Variants in KCNIP1 observed in about 807,000 individuals in gnomAD.
The protein encoded by KCNIP1 is A-type potassium channel modulatory protein KCNIP1.
A neutral mutation model predicts 33.0 loss-of-function variants in KCNIP1; 18 were observed. The ratio of observed to expected loss-of-function variants is 0.55; its 90% CI spans 0.38 to 0.81. KCNIP1 has a LOEUF of 0.81. Among genes scored for constraint, KCNIP1 ranks in the 30% least tolerant of loss-of-function variants. The probability of loss-of-function intolerance (pLI) is 0.00; values close to 1 mark genes in which losing one functional copy is unlikely to be tolerated. For missense variants in KCNIP1, 238 were observed against 271.6 expected (o/e 0.88, Z 0.87); for synonymous variants, 93 against 98.3 (o/e 0.95, Z 0.32).
intron 1 of KCNIP1, among the ~76,000 whole-genome samples, chr5:170,411,876 G>A (rs1010758805): frequency 6.6e-6 from 1 of 152,134 alleles, no homozygotes; most frequent in African/African-American, 2.4e-5. Context: ...TCAGAAGAGG[G>A]GGCAGTCTGG....
At chr5:170,652,569 C>A (rs1239240099) in intron 1 of KCNIP1, among the ~76,000 whole-genome samples, 2 of 151,132 alleles carry the variant, frequency 1.3e-5, no homozygotes, top group East Asian at 1.9e-4. Context: ...GACCTGAAGT[C>A]ACTGGATTTC....
At chr5:170,448,679 T>A (rs1277526272) in intron 1 of KCNIP1, among the ~76,000 whole-genome samples, 1 of 152,156 alleles carries the variant, frequency 6.6e-6, no homozygotes, top group Non-Finnish European at 1.5e-5. Flanking sequence ...AATAATAGTG[T>A]ATGAGCTGGT....
chr5:170,526,488 C>G lies in KCNIP1; in HGVS notation c.61+21855C>G, dbSNP rs888258314. Among the ~76,000 whole-genome samples the G allele has an allele frequency of 4.6e-5, 7 of 152,154 alleles. No individual in the cohort carries two copies. In the South Asian group the frequency reaches 1.5e-3, roughly 32 times the overall value. On this transcript the variant is annotated intron_variant, in intron 1 of 7. Transcript: ENST00000328939. ...GGGACTCATTCATTCCCATACATGT[C>G]AAATATGCACTGCACCCAGATTACA...
chr5:170,712,856 A>G, intron 1 of KCNIP1: 2 of 1,613,944 alleles, frequency 1.2e-6, no homozygotes, highest in Non-Finnish European at 1.7e-6. Context: ...TTTCCTAGAC[A>G]TCGCCTGGTG....
chr5:170,528,360 G>A (rs987886426), intron 1 of KCNIP1, among the ~76,000 whole-genome samples: 6 of 152,262 alleles, frequency 3.9e-5, no homozygotes, highest in South Asian at 2.1e-4. Context: ...TAACACCATC[G>A]GGTGACTGCA....
chr5:170,357,500 G>A (rs533915007), intron 1 of KCNIP1, among the ~76,000 whole-genome samples: 2 of 152,290 alleles, frequency 1.3e-5, no homozygotes, highest in South Asian at 4.1e-4. Context: ...CTTTATGAAA[G>A]CCTATGGCCT....
chr5:170,354,019 G>T (rs113042718), intron 1 of KCNIP1: 2 of 1,493,236 alleles, frequency 1.3e-6, no homozygotes, highest in Non-Finnish European at 1.9e-6. Flanking sequence ...CTGGCTGGTC[G>T]CATTGCCTCG....
intron 1 of KCNIP1, among the ~76,000 whole-genome samples, chr5:170,539,626 T>C (rs979484605): frequency 2.0e-5 from 3 of 152,156 alleles, no homozygotes; most frequent in Non-Finnish European, 4.4e-5. Flanking sequence ...ACCTAAAGTA[T>C]CTTGTGAACG....
chr5:170,518,904 A>C (rs922014561), intron 1 of KCNIP1, among the ~76,000 whole-genome samples: 4 of 152,192 alleles, frequency 2.6e-5, no homozygotes, highest in African/African-American at 9.7e-5. Context: ...AATGAGAGGC[A>C]CATCCTGGCT....
At chr5:170,493,536 C>T (rs1310621561) in intron 1 of KCNIP1, among the ~76,000 whole-genome samples, 1 of 152,126 alleles carries the variant, frequency 6.6e-6, no homozygotes, top group Non-Finnish European at 1.5e-5. Flanking sequence ...CCTGCTTTCT[C>T]CAAAGTCCCT....
chr5:170,435,658 C>T (rs1483614233), intron 1 of KCNIP1, among the ~76,000 whole-genome samples: 1 of 152,198 alleles, frequency 6.6e-6, no homozygotes, highest in African/African-American at 2.4e-5. Context: ...TGATTATGGA[C>T]AAGCCTTCAC....
At chr5:170,616,809 A>T (rs970800789) in intron 1 of KCNIP1, among the ~76,000 whole-genome samples, 2 of 152,052 alleles carry the variant, frequency 1.3e-5, no homozygotes, top group African/African-American at 4.8e-5. Flanking sequence ...TGCCTGGAAC[A>T]TGCTTCCATA....
intron 1 of KCNIP1, among the ~76,000 whole-genome samples, chr5:170,694,210 T>C (rs1295933948): frequency 6.6e-6 from 1 of 152,228 alleles, no homozygotes; most frequent in Non-Finnish European, 1.5e-5. Context: ...AAATTAATAA[T>C]AGATAATACA....
chr5:170,607,836 C>G (rs1489791049), intron 1 of KCNIP1, among the ~76,000 whole-genome samples: 1 of 152,158 alleles, frequency 6.6e-6, no homozygotes, highest in Non-Finnish European at 1.5e-5. Flanking sequence ...TAAGGTGGAG[C>G]CTTCCAGCCA....
intron 1 of KCNIP1, among the ~76,000 whole-genome samples, chr5:170,370,980 T>C (rs886579263): frequency 1.3e-5 from 2 of 152,208 alleles, no homozygotes; most frequent in African/African-American, 4.8e-5. Flanking sequence ...TAAGCAAGCA[T>C]GCTGTCAACT....
chr5:170,733,942 G>A, intron 7 of KCNIP1, 44 bp downstream of exon 7: 1 of 1,536,866 alleles, frequency 6.5e-7, no homozygotes, highest in Non-Finnish European at 9.0e-7. Flanking sequence ...ATCTGGGAAA[G>A]GAAACCTGGG....
upstream of KCNIP1, among the ~76,000 whole-genome samples, chr5:170,500,349 G>A (rs1046830238): frequency 1.3e-5 from 2 of 152,180 alleles, no homozygotes; most frequent in Non-Finnish European, 2.9e-5. Context: ...GGGTGCATGA[G>A]GGAGGGGTCA....
chr5:170,593,067 G>T (rs1334381380), intron 1 of KCNIP1, among the ~76,000 whole-genome samples: 2 of 152,296 alleles, frequency 1.3e-5, no homozygotes, highest in South Asian at 4.2e-4. Context: ...CATACTGGTT[G>T]CCTCAGAGGT....
At position 170,545,107 on chromosome 5, in the gene KCNIP1, A is replaced by T. The variant is rs183091839; in HGVS notation, c.61+40474A>T. On this transcript the variant is annotated intron_variant, in intron 1 of 7. Coordinates refer to ENST00000328939, the MANE Select transcript of KCNIP1 (RefSeq NM_014592.4). Reference sequence around the variant, plus strand: ...GATTTTCAGCATTTGTGTGTCTGAAAATGTCTTTATTTTGTTTCATTTTTG... The same window carrying T: ...GATTTTCAGCATTTGTGTGTCTGAATATGTCTTTATTTTGTTTCATTTTTG... Among the ~76,000 whole-genome samples, 419 of 152,230 alleles carry T rather than the reference A, an allele frequency of 2.8e-3. 1 individual carries two copies. The highest frequency in any genetic ancestry group is 5.0e-3 in the Non-Finnish European group (338 of 68,008).
Sources: gnomAD v4.1 joint callset for allele counts (sites outside exome capture counted in the v4.1 genomes callset) on GRCh38, gnomAD v4.1.1 for gene constraint, MANE v1.5 for transcripts, NCBI Gene and HGNC (gene_info 2026-07-23, HGNC 2026-07-21) for gene names.